Variants in COL27A1 observed in about 807,000 individuals in gnomAD.
COL27A1 encodes collagen type XXVII alpha 1 chain.
A neutral mutation model predicts 251.3 loss-of-function variants in COL27A1; 106 were observed. The ratio of observed to expected loss-of-function variants is 0.42; its 90% CI spans 0.36 to 0.50. The LOEUF is 0.50. Ranked by LOEUF, COL27A1 falls within the 20% of genes least tolerant of loss-of-function variation. The pLI is 0.00. For synonymous variants in COL27A1, 1,000 were observed against 986.3 expected (o/e 1.01, Z -0.26); for missense variants, 2,325 against 2,522.8 (o/e 0.92, Z 1.68).
In COL27A1 at chr9:114,168,014, C is replaced by T. The variant is rs143341894; in HGVS notation, c.459C>T (p.Asp153=). 201 of 1,604,458 alleles carry T rather than the reference C, an allele frequency of 1.3e-4. 1 individual carries two copies. The highest frequency in any genetic ancestry group is 1.2e-3 in the Middle Eastern group (7 of 6,060). The change falls in exon 3 of 61, where the codon GAC becomes GAT. Residue 153 remains aspartate, a synonymous_variant. Coordinates refer to ENST00000356083, the MANE Select transcript of COL27A1 (RefSeq NM_032888.4). ...RSVAFDLDMH[D]GRWHHLALEL... The stretch of plus-strand genomic sequence containing the variant: ...TGGCCTTCGACCTCGACATGCACGA[C>T]GGGCGCTGGCACCACCTGGCCCTCG...
In COL27A1 at chr9:114,211,037, T is replaced by C. The variant is rs1381546109; in HGVS notation, c.2367+11T>C. 1 of 1,614,180 alleles carries C rather than the reference T, an allele frequency of 6.2e-7. No homozygotes were observed. The highest frequency in any genetic ancestry group is 1.1e-5 in the South Asian group (1 of 91,086). On this transcript the variant is annotated intron_variant, in intron 12 of 60. Transcript: ENST00000356083. ...AAGATGGGTATGCCGGTAAAGATTT[T>C]CCGTGTCTATTACGCAGACTCTAGC...
intron 4 of COL27A1, among the ~76,000 whole-genome samples, chr9:114,181,002 C>T (rs1373096687): frequency 6.6e-6 from 1 of 152,122 alleles, no homozygotes; most frequent in Non-Finnish European, 1.5e-5. Context: ...GTGTCAGGAA[C>T]CCCTCCTTGA....
At chr9:114,216,259 G>T (rs1046363114) in intron 12 of COL27A1, among the ~76,000 whole-genome samples, 1 of 152,270 alleles carries the variant, frequency 6.6e-6, no homozygotes, top group African/African-American at 2.4e-5. Context: ...ACGTGGCTGG[G>T]GCCCTGGCAG....
At chr9:114,289,724 G>A (rs1018405337) in intron 45 of COL27A1, among the ~76,000 whole-genome samples, 11 of 151,954 alleles carry the variant, frequency 7.2e-5, no homozygotes, top group Non-Finnish European at 1.5e-5. Flanking sequence ...CTCTCTTAAT[G>A]CTCTTTCCCT....
intron 28 of COL27A1, among the ~76,000 whole-genome samples, chr9:114,259,994 G>T (rs1457184085): frequency 1.1e-5 from 1 of 93,400 alleles, no homozygotes; most frequent in South Asian, 3.8e-4. Flanking sequence ...TGTCCTCTGG[G>T]TGGGGGGGGG....
At chr9:114,229,963 A>G (rs142383945) in intron 14 of COL27A1, among the ~76,000 whole-genome samples, 94 of 152,314 alleles carry the variant, frequency 6.2e-4, no homozygotes, top group Non-Finnish European at 1.1e-3. Flanking sequence ...AGACGCCAAT[A>G]GCACCTCTTA....
Position 114,155,919 on chromosome 9 carries a change from C to G in COL27A1, c.-32C>G. 8.2e-7 allele frequency: 1 copy of G among 1,220,848 alleles called. No homozygotes were observed. Among genetic ancestry groups the G allele is most frequent in the African/African-American group, 1.6e-5 (1 of 64,052 alleles). The allele number at this position is 1,220,848 out of a possible 1,614,324, so 75.6% of individuals were successfully genotyped here. A position where few individuals can be genotyped will look rare whatever the true frequency, so the allele number is the denominator to read the frequency against. ...CATGGGGCGCGCCCACACTTGCCCCCCGGGCTCGGGAGCATGAAGTAGGGG... is the reference window on the plus strand; with the variant it reads ...CATGGGGCGCGCCCACACTTGCCCCGCGGGCTCGGGAGCATGAAGTAGGGG... On this transcript the variant is annotated 5_prime_UTR_variant, in exon 1 of 61. Coordinates refer to ENST00000356083, the MANE Select transcript of COL27A1 (RefSeq NM_032888.4). The surrounding 1 kb of genome is among the most constrained non-coding windows in gnomAD (Gnocchi z 5.5).
intron 56 of COL27A1, 118 bp from the exon 57 acceptor site, chr9:114,304,489 GC>G: frequency 1.2e-6 from 1 of 842,666 alleles, no homozygotes; most frequent in South Asian, 1.4e-5. Flanking sequence ...CGAGAGTTCT[GC>G]AGAGGGCATA....
At chr9:114,294,031 G>A (rs1828093979) in intron 49 of COL27A1, among the ~76,000 whole-genome samples, 1 of 150,990 alleles carries the variant, frequency 6.6e-6, no homozygotes, top group African/African-American at 2.4e-5. Context: ...GAGGTCAAGA[G>A]TTTGAGACCA....
chr9:114,249,070 T>C lies in COL27A1; in HGVS notation c.2980-1545T>C, dbSNP rs1833348831. Among the ~76,000 whole-genome samples, 3 of 152,182 alleles carry C rather than the reference T, an allele frequency of 2.0e-5. No individual in the cohort carries two copies. In the South Asian group the frequency reaches 6.2e-4, roughly 32 times the overall value. ...CCAGGAAGTAGGGAGGTACCTTTAT[T>C]GTCTCCCATTCTGCAGATGAGGCTC... On this transcript the variant is annotated intron_variant, in intron 24 of 60. Coordinates refer to ENST00000356083, the MANE Select transcript of COL27A1 (RefSeq NM_032888.4).
At chr9:114,206,106 G>A (rs1243171060) in intron 9 of COL27A1, 146 bp from the exon 10 acceptor site, 1 of 796,882 alleles carries the variant, frequency 1.3e-6, no homozygotes. Context: ...AGGGCTGTGG[G>A]GGTCAGGCCA....
rs547694200 is a variant in COL27A1, at chr9:114,265,508, T to C, written c.3393+33T>C. 40 of 1,608,474 alleles carry C rather than the reference T, an allele frequency of 2.5e-5. No individual in the cohort carries two copies. In the East Asian group the frequency reaches 8.9e-4, roughly 36 times the overall value. On this transcript the variant is annotated intron_variant, in intron 32 of 60. Coordinates refer to ENST00000356083, the MANE Select transcript of COL27A1 (RefSeq NM_032888.4). ...CCCTTTCCTTCCCTCTTCTGCTTCT[T>C]TGCCGCTGGCACCTGGGGGTGTGGG...
intron 33 of COL27A1, 82 bp from the exon 34 acceptor site, chr9:114,267,422 C>A: frequency 8.0e-7 from 1 of 1,253,666 alleles, no homozygotes; most frequent in Non-Finnish European, 1.1e-6. Context: ...TTCTCTTGCC[C>A]TCTTGGAGCC....
In COL27A1 at chr9:114,210,983, G is replaced by T. The variant is rs931553328; in HGVS notation, c.2324G>T (p.Gly775Val). The T allele has an allele frequency of 1.9e-5, 31 of 1,614,072 alleles. No homozygotes were observed. In the Admixed American group the frequency reaches 4.2e-4, roughly 22 times the overall value. Residue 775 changes from glycine to valine, a missense_variant and splice_region_variant, in exon 12 of 61, where the codon GGC becomes GTC. Around this residue, in one of 4 missense-constraint regions of COL27A1, gnomAD observed 1,183 missense variants for 1,144.1 expected, o/e 1.03. Transcript: ENST00000356083. ...CTCTCCCCTGTCTCTCCCCTGCAGG[G>T]CCTGCCTGGCGTTCCTGGCAAGAGG... ...FGLPGSDGER[G>V]LPGVPGKRGK...
rs536227229 is a variant in COL27A1 at position 114,283,743 on chromosome 9, C to T, written c.3914C>T (p.Pro1305Leu). 2.0e-5 allele frequency: 32 copies of T among 1,614,066 alleles called. No individual in the cohort carries two copies. Among genetic ancestry groups the T allele is most frequent in the Middle Eastern group, 1.6e-4 (1 of 6,062 alleles). The change falls in exon 40 of 61, where the codon CCG (proline) becomes CTG (leucine). Residue 1305 changes from proline to leucine, a missense_variant. Physicochemically the swap from Pro to Leu is moderately conservative, Grantham distance 98. Transcript: ENST00000356083. ...APGRMGAQGE[P>L]GLAGYDGHKG... ...GGACGCATGGGGGCCCAAGGAGAACCGGGACTGGCTGGTTATGATGTAAGC... is the reference window on the plus strand; with the variant it reads ...GGACGCATGGGGGCCCAAGGAGAACTGGGACTGGCTGGTTATGATGTAAGC...
At chr9:114,265,225 C>G in intron 31 of COL27A1, 115 bp downstream of exon 31, 1 of 1,220,054 alleles carries the variant, frequency 8.2e-7, no homozygotes, top group Non-Finnish European at 1.2e-6. Flanking sequence ...TGTGGAAACC[C>G]CGCAGGTTCT....
intron 5 of COL27A1, among the ~76,000 whole-genome samples, chr9:114,183,652 T>C (rs73656011): frequency 0.018 from 2,698 of 152,164 alleles, 85 homozygotes; most frequent in African/African-American, 0.062. Context: ...GATGTTAGCC[T>C]TGGGGACTGA....
At chr9:114,233,716 G>A (rs1171857549) in intron 16 of COL27A1, among the ~76,000 whole-genome samples, 1 of 152,158 alleles carries the variant, frequency 6.6e-6, no homozygotes, top group East Asian at 1.9e-4. Flanking sequence ...CATGGAACTC[G>A]GCTGGCTTGC....
chr9:114,302,552 C>T (rs767274875), intron 56 of COL27A1, among the ~76,000 whole-genome samples: 1 of 151,994 alleles, frequency 6.6e-6, no homozygotes, highest in Non-Finnish European at 1.5e-5. Context: ...CATGGTGAAA[C>T]CCTGTCTCTA....
Sources: allele counts gnomAD v4.1 joint callset (sites outside exome capture counted in the v4.1 genomes callset), GRCh38; gene constraint gnomAD v4.1.1; regional missense constraint gnomAD v4.1.1; non-coding constraint Gnocchi (gnomAD v3.1); transcripts MANE v1.5; gene names NCBI Gene and HGNC (gene_info 2026-07-23, HGNC 2026-07-21).